WNK3: variants seen among roughly 807,000 people sequenced by gnomAD.
The protein encoded by WNK3 is serine/threonine-protein kinase WNK3.
In WNK3, 18 loss-of-function variants were observed where a neutral mutation model predicts 116.7. The observed-to-expected ratio is 0.15, with a 90% CI of 0.11 to 0.23. The LOEUF (loss-of-function observed/expected upper bound fraction) is 0.23. Among genes scored for constraint, WNK3 ranks in the 10% least tolerant of loss-of-function variants. The pLI is 1.00. For missense variants in WNK3, 993 were observed against 1,323.8 expected (o/e 0.75, Z 3.88); for synonymous variants, 404 against 469.4 (o/e 0.86, Z 1.80).
rs1308533510 is a variant in WNK3, at chrX:54,277,768, TAAC to T, written c.2037+15117_2037+15119del. On this transcript the variant is annotated intron_variant, in intron 10 of 23. Transcript: ENST00000354646. ...CACACACGATCACATTTCTATACTC[TAAC>T]AAGGAACATGTGAAAACTGACATTA... Among the ~76,000 whole-genome samples, 237 of 111,971 alleles carry T rather than the reference TAAC, an allele frequency of 2.1e-3. 1 individual carries two copies. Among genetic ancestry groups the T allele is most frequent in the African/African-American group, 7.2e-3 (222 of 30,926 alleles).
At chrX:54,308,552 T>C (rs1234310305) in intron 4 of WNK3, among the ~76,000 whole-genome samples, 1 of 111,934 alleles carries the variant, frequency 8.9e-6, no homozygotes, top group African/African-American at 3.2e-5. Flanking sequence ...ACTGAAATAA[T>C]TTATTTAATT....
At chrX:54,247,139 C>T (rs1332725386) in intron 17 of WNK3, among the ~76,000 whole-genome samples, 1 of 110,881 alleles carries the variant, frequency 9.0e-6, no homozygotes, top group Non-Finnish European at 1.9e-5. Flanking sequence ...AGAAGAATTC[C>T]ATGACACCAG....
chrX:54,207,657 G>A (rs1168587643), intron 22 of WNK3, among the ~76,000 whole-genome samples: 2 of 108,604 alleles, frequency 1.8e-5, no homozygotes, highest in Non-Finnish European at 3.8e-5. Flanking sequence ...GGGATTACAG[G>A]TGTGCACCAC....
intron 20 of WNK3, among the ~76,000 whole-genome samples, chrX:54,236,000 C>T (rs959253947): frequency 8.9e-6 from 1 of 112,172 alleles, no homozygotes; most frequent in Non-Finnish European, 1.9e-5. Flanking sequence ...AGGAGAGAAC[C>T]TGGATAGTTC....
chrX:54,243,845 C>T (rs1557152177), intron 17 of WNK3, among the ~76,000 whole-genome samples: 1 of 111,922 alleles, frequency 8.9e-6, no homozygotes, highest in Non-Finnish European at 1.9e-5. Context: ...CGTAGCAGCA[C>T]TATTCACAAC....
chrX:54,222,724 A>T (rs1557146789), intron 22 of WNK3, among the ~76,000 whole-genome samples: 2 of 106,504 alleles, frequency 1.9e-5, no homozygotes, highest in Non-Finnish European at 3.9e-5. Context: ...TAAAAATACA[A>T]AAATTAGCCA....
At chrX:54,228,205 G>C in intron 22 of WNK3, among the ~76,000 whole-genome samples, 1 of 111,796 alleles carries the variant, frequency 8.9e-6, no homozygotes, top group South Asian at 3.7e-4. Context: ...CTGGAGGATG[G>C]GGGAAGTGGG....
chrX:54,198,482 C>T, exon 24 of WNK3: 1 of 1,209,703 alleles, frequency 8.3e-7, no homozygotes, highest in Non-Finnish European at 1.1e-6. Flanking sequence ...ACTGGATACC[C>T]CGCCCCCGCC....
chrX:54,310,414 C>T (rs1202905757), intron 3 of WNK3, among the ~76,000 whole-genome samples: 1 of 109,423 alleles, frequency 9.1e-6, no homozygotes, highest in Non-Finnish European at 1.9e-5. Flanking sequence ...AGGCATGTTG[C>T]TGCATGCTTG....
At chrX:54,275,698 C>G (rs1482695449) in intron 10 of WNK3, among the ~76,000 whole-genome samples, 1 of 109,933 alleles carries the variant, frequency 9.1e-6, no homozygotes, top group African/African-American at 3.3e-5. Flanking sequence ...CCTAGCATAT[C>G]AAAAATTACT....
chrX:54,232,081 GTGTGTC>G (rs1447566607), intron 21 of WNK3, among the ~76,000 whole-genome samples: 1 of 104,389 alleles, frequency 9.6e-6, no homozygotes, highest in African/African-American at 3.7e-5. Flanking sequence ...GAGTGTGTGT[GTGTGTC>G]TGTGTATATG....
chrX:54,219,669 CAAAAAAAAAAAAA>C (rs34431672), intron 22 of WNK3, among the ~76,000 whole-genome samples: 8 of 15,194 alleles, frequency 5.3e-4, no homozygotes, highest in South Asian at 5.6e-3. Flanking sequence ...CTCCATCTCC[CAAAAAAAAAAAAA>C]AAAAAAAAAA....
At chrX:54,333,696 A>C in exon 2 of WNK3, 1 of 1,158,209 alleles carries the variant, frequency 8.6e-7, no homozygotes, top group Non-Finnish European at 1.2e-6. Flanking sequence ...TGGCACTAAA[A>C]TTTTTCCTGT....
intron 5 of WNK3, among the ~76,000 whole-genome samples, chrX:54,306,087 G>T (rs147482424): frequency 9.0e-6 from 1 of 110,970 alleles, no homozygotes; most frequent in Non-Finnish European, 1.9e-5. Context: ...GTGGTATACC[G>T]CATGCATTAA....
At chrX:54,352,473 T>C (rs1384136739) in intron 1 of WNK3, among the ~76,000 whole-genome samples, 1 of 110,976 alleles carries the variant, frequency 9.0e-6, no homozygotes, top group African/African-American at 3.3e-5. Context: ...CAGGAGTTTA[T>C]GACCAGCCCA....
intron 10 of WNK3, among the ~76,000 whole-genome samples, chrX:54,283,489 G>A (rs1415716578): frequency 9.0e-6 from 1 of 111,442 alleles, no homozygotes; most frequent in Admixed American, 9.6e-5. Flanking sequence ...TGACAGATGG[G>A]CTGGGTGCAG....
intron 22 of WNK3, among the ~76,000 whole-genome samples, chrX:54,207,881 T>A (rs1853652555): frequency 9.0e-6 from 1 of 110,554 alleles, no homozygotes; most frequent in African/African-American, 3.3e-5. Context: ...CAGACCACTA[T>A]CATCATTCAT....
exon 2 of WNK3, chrX:54,333,370 G>T: frequency 8.3e-7 from 1 of 1,209,646 alleles, no homozygotes; most frequent in Non-Finnish European, 1.1e-6. Flanking sequence ...TTAACTTCTT[G>T]TCCACCTCTC....
chrX:54,337,949 C>T (rs1557175733), intron 1 of WNK3, among the ~76,000 whole-genome samples: 2 of 109,390 alleles, frequency 1.8e-5, no homozygotes, highest in Non-Finnish European at 3.8e-5. Flanking sequence ...GTGCCTGTAG[C>T]CCAAACTCCA....
Sources: gnomAD v4.1 joint callset for allele counts (sites outside exome capture counted in the v4.1 genomes callset) on GRCh38, gnomAD v4.1.1 for gene constraint, MANE v1.5 for transcripts, NCBI Gene and HGNC (gene_info 2026-07-23, HGNC 2026-07-21) for gene names.